Variants in PXDNL observed in about 807,000 individuals in gnomAD.
PXDNL encodes probable oxidoreductase PXDNL.
A neutral mutation model predicts 150.8 loss-of-function variants in PXDNL; 145 were observed. The ratio of observed to expected loss-of-function variants is 0.96; its 90% CI spans 0.84 to 1.10. PXDNL has a LOEUF of 1.10. Among genes scored for constraint, PXDNL ranks in the 50% least tolerant of loss-of-function variants. The probability of loss-of-function intolerance (pLI) is 0.00; values close to 1 mark genes in which losing one functional copy is unlikely to be tolerated. For synonymous variants in PXDNL, 757 were observed against 725.7 expected (o/e 1.04, Z -0.69); for missense variants, 2,087 against 1,873.9 (o/e 1.11, Z -2.10).
In PXDNL at chr8:51,355,476, C is replaced by T. The variant is rs550169983; in HGVS notation, c.3902-9529G>A. On this transcript the variant is annotated intron_variant, in intron 19 of 22. Transcript: ENST00000356297. ...AATATACATCTGTTGACTCTTTGTG[C>T]AATTGTTTTATTTGAAGGAAGTTTT... Among the ~76,000 whole-genome samples the T allele has an allele frequency of 5.9e-5, 9 of 152,254 alleles. No individual in the cohort carries two copies. The South Asian group carries it at 1.9e-3, about 32-fold the overall frequency.
chr8:51,568,999 CA>C (rs897596955), intron 3 of PXDNL, among the ~76,000 whole-genome samples: 1 of 151,908 alleles, frequency 6.6e-6, no homozygotes, highest in African/African-American at 2.4e-5. Flanking sequence ...CCTATTCTTG[CA>C]TGTTTTCCAC....
chr8:51,643,601 C>T (rs186347167), intron 2 of PXDNL, among the ~76,000 whole-genome samples: 32 of 152,258 alleles, frequency 2.1e-4, no homozygotes, highest in African/African-American at 7.5e-4. Flanking sequence ...TAGAACAAAA[C>T]CTAGGCAATA....
chr8:51,764,874 T>C (rs1056182668), intron 1 of PXDNL, among the ~76,000 whole-genome samples: 70 of 152,366 alleles, frequency 4.6e-4, no homozygotes, highest in African/African-American at 1.6e-3. Flanking sequence ...TCTGCTTAGT[T>C]ACTCTATCCA....
intron 20 of PXDNL, among the ~76,000 whole-genome samples, chr8:51,344,172 G>A (rs1488303774): frequency 1.3e-5 from 2 of 151,922 alleles, no homozygotes; most frequent in Non-Finnish European, 2.9e-5. Flanking sequence ...TGCCGTGATC[G>A]TAATTCATGG....
At chr8:51,356,414 G>T (rs988976080) in intron 19 of PXDNL, among the ~76,000 whole-genome samples, 2 of 151,820 alleles carry the variant, frequency 1.3e-5, no homozygotes, top group African/African-American at 2.4e-5. Flanking sequence ...ACTTGAACCC[G>T]GGAGGTGGAG....
chr8:51,620,547 C>CTTT lies in PXDNL; in HGVS notation c.237-27852_237-27850dup, dbSNP rs1222556097. The stretch of plus-strand genomic sequence containing the variant: ...CTGAGACTTTCTTACAACTCAATCA[C>CTTT]TTTTTTTTTTTTTTGAGACAGAGTC... On this transcript the variant is annotated intron_variant, in intron 2 of 22. Transcript: ENST00000356297. Among the ~76,000 whole-genome samples, 6 of 144,998 alleles carry CTTT rather than the reference C, an allele frequency of 4.1e-5. 1 individual carries two copies. Among genetic ancestry groups the CTTT allele is most frequent in the African/African-American group, 1.0e-4 (4 of 39,720 alleles).
Position 51,408,243 on chromosome 8 carries a change from G to A in PXDNL, c.3381C>T (p.Phe1127=). 3.1e-6 allele frequency: 5 copies of A among 1,614,026 alleles called. No homozygotes were observed. Among genetic ancestry groups the A allele is most frequent in the Non-Finnish European group, 4.2e-6 (5 of 1,179,890 alleles). Residue 1127 remains phenylalanine (F), a synonymous_variant, in exon 17 of 23, where the codon TTC becomes TTT. Transcript: ENST00000356297. ...CCACGGCCGCAGAATAAGCCGCGGA[G>A]AAGAGCCTCTGGGTCAGCTCAGGAC... ...LLSPELTQRL[F]SAAYSAAVDS... is the part of the protein sequence containing the mutation.
intron 3 of PXDNL, among the ~76,000 whole-genome samples, chr8:51,576,165 C>T (rs1813047500): frequency 6.8e-6 from 1 of 146,266 alleles, no homozygotes. Flanking sequence ...CATAAAACAA[C>T]ACAGTCTAAC....
At chr8:51,464,378 AC>A (rs1810156508) in intron 8 of PXDNL, among the ~76,000 whole-genome samples, 1 of 152,286 alleles carries the variant, frequency 6.6e-6, no homozygotes. Flanking sequence ...TCAGAGCAGA[AC>A]TACATGAAAC....
At chr8:51,684,711 T>C (rs1352007337) in intron 1 of PXDNL, among the ~76,000 whole-genome samples, 2 of 152,152 alleles carry the variant, frequency 1.3e-5, no homozygotes, top group East Asian at 1.9e-4. Flanking sequence ...AAGTCAGTGA[T>C]TGGAAGCAAC....
At chr8:51,643,945 A>T (rs11782339) in intron 2 of PXDNL, among the ~76,000 whole-genome samples, 59,426 of 151,732 alleles carry the variant, frequency 0.39, 14,374 homozygotes, top group African/African-American at 0.69. Flanking sequence ...AAAAATGCTC[A>T]TCATCACTGG....
At chr8:51,571,097 G>T (rs570604833) in intron 3 of PXDNL, among the ~76,000 whole-genome samples, 2,680 of 142,990 alleles carry the variant, frequency 0.019, 83 homozygotes, top group African/African-American at 0.064. Context: ...CTTTTTTTTT[G>T]AAAAAAAAAA....
intron 4 of PXDNL, among the ~76,000 whole-genome samples, chr8:51,555,523 C>T (rs891061562): frequency 3.3e-5 from 5 of 152,076 alleles, no homozygotes; most frequent in Non-Finnish European, 7.4e-5. Flanking sequence ...ATACTATAAC[C>T]TAACAGTTCA....
intron 4 of PXDNL, among the ~76,000 whole-genome samples, chr8:51,502,839 T>G (rs1811215407): frequency 6.6e-6 from 1 of 152,140 alleles, no homozygotes; most frequent in Non-Finnish European, 1.5e-5. Context: ...AAAGACAGCT[T>G]TCGCTTGGGA....
rs778169892 is a variant in PXDNL, at chr8:51,408,385, G to A, written c.3239C>T (p.Pro1080Leu). The stretch of plus-strand genomic sequence containing the variant: ...CGGTGAAAAGAGCGCTTTATGGAAC[G>A]GAAGGTGGCCTTCGGAAATTTCACC... ...TLGEISEGHL[P>L]FHKALFSPSR... The change falls in exon 17 of 23, where the codon CCG (proline) becomes CTG (leucine). Residue 1080 changes from proline (P) to leucine (L), a missense_variant. Transcript: ENST00000356297. 6.2e-6 allele frequency: 10 copies of A among 1,614,044 alleles called. No homozygotes were observed. Among genetic ancestry groups the A allele is most frequent in the Non-Finnish European group, 8.5e-6 (10 of 1,179,890 alleles).
chr8:51,472,689 A>G (rs1459941221), intron 7 of PXDNL, among the ~76,000 whole-genome samples: 1 of 152,212 alleles, frequency 6.6e-6, no homozygotes. Flanking sequence ...CTATCTAAGC[A>G]CCCAACCACC....
At chr8:51,753,769 T>C (rs936708148) in intron 1 of PXDNL, among the ~76,000 whole-genome samples, 4 of 152,228 alleles carry the variant, frequency 2.6e-5, no homozygotes, top group African/African-American at 7.2e-5. Flanking sequence ...TGAAAGCTGA[T>C]CATCTACAGC....
chr8:51,431,135 CTT>C (rs1300164537), intron 12 of PXDNL, among the ~76,000 whole-genome samples: 1 of 152,144 alleles, frequency 6.6e-6, no homozygotes, highest in Non-Finnish European at 1.5e-5. Flanking sequence ...AAAAATAACT[CTT>C]CTCTTAAAGG....
chr8:51,444,978 C>T (rs1809642504), intron 12 of PXDNL, among the ~76,000 whole-genome samples: 2 of 151,828 alleles, frequency 1.3e-5, no homozygotes, highest in African/African-American at 4.8e-5. Flanking sequence ...ATGATCTTGA[C>T]TCACTGAAAC....
Sources: gnomAD v4.1 joint callset for allele counts (sites outside exome capture counted in the v4.1 genomes callset) on GRCh38, gnomAD v4.1.1 for gene constraint, MANE v1.5 for transcripts, NCBI Gene and HGNC (gene_info 2026-07-23, HGNC 2026-07-21) for gene names.